Variants in KIAA1217 observed in about 807,000 individuals in gnomAD.
KIAA1217 encodes sickle tail protein homolog.
KIAA1217 carries 88 observed loss-of-function variants against 163.9 expected under a neutral mutation model. The observed-to-expected ratio is 0.54, with a 90% CI of 0.45 to 0.64. The LOEUF is 0.64. Among genes scored for constraint, KIAA1217 ranks in the 30% least tolerant of loss-of-function variants. KIAA1217 has a pLI of 0.00. For missense variants in KIAA1217, 2,372 were observed against 2,475.0 expected (o/e 0.96, Z 0.88); for synonymous variants, 903 against 923.1 (o/e 0.98, Z 0.39).
chr10:24,217,315 C>T (rs1175322704), intron 1 of KIAA1217, among the ~76,000 whole-genome samples: 1 of 152,042 alleles, frequency 6.6e-6, no homozygotes, highest in Admixed American at 6.6e-5. Flanking sequence ...CAGTTTAGCC[C>T]CCAATATCTT....
intron 1 of KIAA1217, among the ~76,000 whole-genome samples, chr10:23,913,947 T>C (rs1842541562): frequency 6.6e-6 from 1 of 152,124 alleles, no homozygotes. Flanking sequence ...AACCAGCATG[T>C]ACCTGGACCC....
At chr10:23,893,674 G>A (rs988310301) in intron 1 of KIAA1217, among the ~76,000 whole-genome samples, 3 of 151,906 alleles carry the variant, frequency 2.0e-5, no homozygotes, top group African/African-American at 7.3e-5. Context: ...AAGACAGGCA[G>A]AGACGCAACC....
chr10:24,486,676 A>G (rs564400493), intron 6 of KIAA1217, among the ~76,000 whole-genome samples: 2 of 152,184 alleles, frequency 1.3e-5, no homozygotes, highest in African/African-American at 4.8e-5. Context: ...GACAGCACAC[A>G]TGGCCTGCTC....
intron 13 of KIAA1217, among the ~76,000 whole-genome samples, chr10:24,526,742 A>G (rs942151601): frequency 1.3e-5 from 2 of 152,122 alleles, no homozygotes; most frequent in Admixed American, 1.3e-4. Flanking sequence ...AAGCCAGTGA[A>G]CAGAAGAGAC....
chr10:24,207,280 T>TCA (rs1218257115), upstream of KIAA1217, among the ~76,000 whole-genome samples: 62 of 98,888 alleles, frequency 6.3e-4, 1 homozygote, highest in Middle Eastern at 9.3e-3. Flanking sequence ...TCTCTCTCTC[T>TCA]CTCACACACA....
intron 1 of KIAA1217, among the ~76,000 whole-genome samples, chr10:23,844,027 G>A (rs900921968): frequency 6.6e-6 from 1 of 152,100 alleles, no homozygotes; most frequent in African/African-American, 2.4e-5. Context: ...TGTTGGCATG[G>A]GGAAGAGCAG....
At position 24,320,263 on chromosome 10, in the gene KIAA1217, G is replaced by C. The variant is rs556302524; in HGVS notation, c.355-60606G>C. Among the ~76,000 whole-genome samples the C allele has an allele frequency of 2.0e-5, 3 of 152,288 alleles. No homozygotes were observed. In the South Asian group the frequency reaches 6.2e-4, roughly 32 times the overall value. ...CACTTCATGCATGGAGATCTGTAGA[G>C]GAAAAATAAATTGGTACCCATCCAC... On this transcript the variant is annotated intron_variant, in intron 2 of 20. Transcript: ENST00000376454.
intron 2 of KIAA1217, among the ~76,000 whole-genome samples, chr10:24,274,274 A>C (rs778485833): frequency 6.6e-6 from 1 of 152,144 alleles, no homozygotes; most frequent in Non-Finnish European, 1.5e-5. Context: ...GGGAGACTTG[A>C]GGTCAGGAGT....
intron 1 of KIAA1217, among the ~76,000 whole-genome samples, chr10:23,736,700 A>T (rs1282391262): frequency 6.6e-6 from 1 of 151,880 alleles, no homozygotes; most frequent in Non-Finnish European, 1.5e-5. Flanking sequence ...TTTAAAAAAA[A>T]ATTTTCGTAG....
intron 2 of KIAA1217, among the ~76,000 whole-genome samples, chr10:24,012,585 T>C (rs1847284388): frequency 6.6e-6 from 1 of 152,184 alleles, no homozygotes; most frequent in Non-Finnish European, 1.5e-5. Context: ...AATTCTCCCT[T>C]GTGCCTTTGA....
chr10:24,429,937 G>A (rs1177492387), intron 3 of KIAA1217, among the ~76,000 whole-genome samples: 1 of 152,082 alleles, frequency 6.6e-6, no homozygotes, highest in Non-Finnish European at 1.5e-5. Context: ...GAGCTCAGGA[G>A]TTTAAAACCA....
chr10:24,210,476 C>A (rs1679448288), intron 1 of KIAA1217, among the ~76,000 whole-genome samples: 2 of 149,230 alleles, frequency 1.3e-5, no homozygotes, highest in African/African-American at 5.0e-5. Context: ...CGCAACCCCC[C>A]ACCCCCATTT....
chr10:24,014,099 G>C (rs376995596), intron 2 of KIAA1217, among the ~76,000 whole-genome samples: 1 of 152,136 alleles, frequency 6.6e-6, no homozygotes, highest in Non-Finnish European at 1.5e-5. Flanking sequence ...TCATTTTAAT[G>C]TAAATTGAGC....
chr10:24,404,014 C>T lies in KIAA1217; in HGVS notation c.553+22947C>T, dbSNP rs552962582. Among the ~76,000 whole-genome samples, 45 of 152,136 alleles carry T rather than the reference C, an allele frequency of 3.0e-4. No homozygotes were observed. The South Asian group carries it at 6.4e-3, about 22-fold the overall frequency. On this transcript the variant is annotated intron_variant, in intron 3 of 20. Transcript: ENST00000376454. Reference sequence around the variant, plus strand: ...CTCTGTTGCCCAGGTTGGAGTACAGCGGCGTAATCACAGTTCCACCATAGC... The same window carrying T: ...CTCTGTTGCCCAGGTTGGAGTACAGTGGCGTAATCACAGTTCCACCATAGC...
chr10:23,796,705 A>G (rs1035656454), intron 1 of KIAA1217, among the ~76,000 whole-genome samples: 1 of 152,052 alleles, frequency 6.6e-6, no homozygotes, highest in African/African-American at 2.4e-5. Flanking sequence ...TGGAGGGTAG[A>G]GCAGCTCCAG....
At chr10:24,357,218 C>T (rs1319591183) in intron 2 of KIAA1217, among the ~76,000 whole-genome samples, 3 of 152,210 alleles carry the variant, frequency 2.0e-5, no homozygotes, top group African/African-American at 7.2e-5. Flanking sequence ...AGAAGCATCC[C>T]TCAGCTGGCT....
At chr10:23,839,436 C>T (rs561706112) in intron 1 of KIAA1217, among the ~76,000 whole-genome samples, 22 of 152,204 alleles carry the variant, frequency 1.4e-4, no homozygotes, top group African/African-American at 4.3e-4. Context: ...TCTTCAGATC[C>T]GCTTTTGCTG....
chr10:24,248,907 A>G (rs776666579), intron 2 of KIAA1217, among the ~76,000 whole-genome samples: 1 of 152,190 alleles, frequency 6.6e-6, no homozygotes, highest in Non-Finnish European at 1.5e-5. Context: ...TCAAGAATAG[A>G]AGGCACACTG....
At chr10:24,502,624 G>T (rs531338104) in intron 9 of KIAA1217, among the ~76,000 whole-genome samples, 40 of 152,284 alleles carry the variant, frequency 2.6e-4, no homozygotes, top group Non-Finnish European at 5.1e-4. Context: ...TAGGTTGGTC[G>T]TTGAGGATAC....
Sources: gnomAD v4.1 joint callset for allele counts (sites outside exome capture counted in the v4.1 genomes callset) on GRCh38, gnomAD v4.1.1 for gene constraint, MANE v1.5 for transcripts, NCBI Gene and HGNC (gene_info 2026-07-23, HGNC 2026-07-21) for gene names.